The following HCN1 variants were observed in gnomAD, a reference collection of about 807,000 sequenced individuals.
The protein encoded by HCN1 is potassium/sodium hyperpolarization-activated cyclic nucleotide-gated channel 1.
HCN1 carries 13 observed loss-of-function variants against 78.9 expected under a neutral mutation model. The observed-to-expected ratio is 0.16, with a 90% confidence interval of 0.11 to 0.26. The LOEUF (loss-of-function observed/expected upper bound fraction) is 0.26. HCN1 is among the 10% of genes least tolerant of loss of function. HCN1 has a pLI of 1.00. For missense variants in HCN1, 810 were observed against 1,154.3 expected, an observed-to-expected ratio of 0.70 and a Z score of 4.32; for synonymous variants, 552 against 455.5, an observed-to-expected ratio of 1.21 and a Z score of -2.70.
intron 2 of HCN1, among the ~76,000 whole-genome samples, chr5:45,543,963 G>T (rs950908585): frequency 3.9e-5 from 6 of 152,062 alleles, no homozygotes; most frequent in African/African-American, 1.4e-4. Flanking sequence ...GTTGTAAAGA[G>T]ATTAAGAGAA....
At chr5:45,437,036 A>T (rs988490403) in intron 3 of HCN1, among the ~76,000 whole-genome samples, 1 of 152,156 alleles carries the variant, frequency 6.6e-6, no homozygotes, top group African/African-American at 2.4e-5. Context: ...CTATAAACCC[A>T]TGTGTATATG....
intron 2 of HCN1, chr5:45,480,086 T>C (rs1741614840): frequency 6.6e-6 from 1 of 152,630 alleles, no homozygotes; most frequent in African/African-American, 2.4e-5. Context: ...AACGTACTCC[T>C]TGCTTATGAC....
At chr5:45,493,363 G>A (rs536688397) in intron 2 of HCN1, among the ~76,000 whole-genome samples, 358 of 151,554 alleles carry the variant, frequency 2.4e-3, no homozygotes, top group African/African-American at 8.2e-3. Context: ...AAAATAAATC[G>A]AGTTAAATAT....
chr5:45,440,713 A>G lies in HCN1; in HGVS notation c.1011+21133T>C, dbSNP rs147601890. Among the ~76,000 whole-genome samples, 46 of 152,272 alleles carry G rather than the reference A, an allele frequency of 3.0e-4. 1 individual carries two copies. In the East Asian group the frequency reaches 6.8e-3, roughly 22 times the overall value. ...TGCCCAAACCACTTACTTGTTGTGT[A>G]CTGACTTAAACATTTGCTCACAGGC... On this transcript the variant is annotated intron_variant, in intron 3 of 7. Coordinates refer to ENST00000303230, the MANE Select transcript of HCN1 (RefSeq NM_021072.4).
intron 2 of HCN1, among the ~76,000 whole-genome samples, chr5:45,546,503 T>C (rs895564787): frequency 6.6e-6 from 1 of 151,928 alleles, no homozygotes; most frequent in African/African-American, 2.4e-5. Context: ...TCCTAAAACT[T>C]ATCTGTCTTT....
intron 2 of HCN1, among the ~76,000 whole-genome samples, chr5:45,593,338 TCTCACA>T (rs1190942837): frequency 2.4e-4 from 29 of 120,178 alleles, no homozygotes; most frequent in Admixed American, 1.0e-3. Flanking sequence ...TCTCTCTCTC[TCTCACA>T]CACACACACA....
chr5:45,585,735 C>T (rs1312373763), intron 2 of HCN1, among the ~76,000 whole-genome samples: 1 of 152,088 alleles, frequency 6.6e-6, no homozygotes, highest in Admixed American at 6.6e-5. Flanking sequence ...GTTAGTTTTC[C>T]TTCTAACAGT....
At chr5:45,612,422 A>C (rs1561219897) in intron 2 of HCN1, among the ~76,000 whole-genome samples, 1 of 152,184 alleles carries the variant, frequency 6.6e-6, no homozygotes, top group Non-Finnish European at 1.5e-5. Flanking sequence ...GCCTAGCATA[A>C]AGGAAAGCAC....
At chr5:45,569,588 TTAA>T (rs1272944714) in intron 2 of HCN1, among the ~76,000 whole-genome samples, 3 of 152,090 alleles carry the variant, frequency 2.0e-5, no homozygotes, top group Non-Finnish European at 4.4e-5. Context: ...GTTTTGGTTA[TTAA>T]TATTACAAAA....
intron 1 of HCN1, among the ~76,000 whole-genome samples, chr5:45,667,455 C>T (rs1662530522): frequency 6.6e-6 from 1 of 151,972 alleles, no homozygotes; most frequent in African/African-American, 2.4e-5. Flanking sequence ...CCCCATCACA[C>T]TGAAAACTAT....
In HCN1 at chr5:45,256,028, A is replaced by G. The variant is rs774366496; in HGVS notation, c.*5893T>C. 2.0e-5 allele frequency: 3 copies of G among 152,142 alleles called. No individual in the cohort carries two copies. Among genetic ancestry groups the G allele is most frequent in the Non-Finnish European group, 4.4e-5 (3 of 68,026 alleles). The allele number at this position is 152,142 out of a possible 1,614,324, so 9.4% of individuals were successfully genotyped here. ...TATTCAGATTTCTTCAATTGAATGA[A>G]TCAATAGTATTCTCTGCTCATATGG... is the stretch of plus-strand genomic sequence containing the variant. On this transcript the variant is annotated 3_prime_UTR_variant, in exon 8 of 8. Coordinates refer to ENST00000303230, the MANE Select transcript of HCN1 (RefSeq NM_021072.4).
intron 6 of HCN1, among the ~76,000 whole-genome samples, chr5:45,281,813 T>C (rs1444519271): frequency 1.3e-5 from 2 of 151,716 alleles, no homozygotes; most frequent in East Asian, 3.9e-4. Context: ...AGGATGGTCT[T>C]GATCTCCTGA....
At chr5:45,673,812 A>G (rs1203467985) in intron 1 of HCN1, among the ~76,000 whole-genome samples, 1 of 151,650 alleles carries the variant, frequency 6.6e-6, no homozygotes, top group African/African-American at 2.4e-5. Flanking sequence ...CTACCAAAAG[A>G]AAGGCACAGC....
At chr5:45,350,153 G>A (rs1161679632) in intron 5 of HCN1, among the ~76,000 whole-genome samples, 1 of 152,106 alleles carries the variant, frequency 6.6e-6, no homozygotes, top group Admixed American at 6.5e-5. Flanking sequence ...GAATCCAGCA[G>A]CACATCTAAA....
rs983912187 is a variant in HCN1 at position 45,359,364 on chromosome 5, A to AAACAAAT, written c.1231-6119_1231-6118insATTTGTT. ...TCCCCATGTCTCAAATCTATAAAAC[A>AAACAAAT]CTGCCTATAAGAAGTTAACTTTTTA... On this transcript the variant is annotated intron_variant, in intron 4 of 7. Coordinates refer to ENST00000303230, the MANE Select transcript of HCN1 (RefSeq NM_021072.4). Among the ~76,000 whole-genome samples the AAACAAAT allele has an allele frequency of 1.5e-4, 23 of 150,938 alleles. 1 individual carries two copies. The East Asian group carries it at 4.3e-3, about 28-fold the overall frequency.
intron 2 of HCN1, among the ~76,000 whole-genome samples, chr5:45,466,762 G>A (rs1364186957): frequency 6.6e-6 from 1 of 152,100 alleles, no homozygotes; most frequent in African/African-American, 2.4e-5. Context: ...TGCCCTGAAA[G>A]TCATTCAGGT....
At chr5:45,431,960 A>G (rs1037783956) in intron 3 of HCN1, among the ~76,000 whole-genome samples, 5 of 152,200 alleles carry the variant, frequency 3.3e-5, no homozygotes, top group Admixed American at 3.3e-4. Context: ...GCTTTTTTCT[A>G]ATTCTATGAG....
intron 3 of HCN1, among the ~76,000 whole-genome samples, chr5:45,432,717 C>A (rs1326824912): frequency 6.6e-6 from 1 of 151,988 alleles, no homozygotes; most frequent in African/African-American, 2.4e-5. Context: ...TTATCAAAAG[C>A]CTTTTCTGCA....
At chr5:45,624,753 A>T (rs569948660) in intron 2 of HCN1, among the ~76,000 whole-genome samples, 1 of 152,178 alleles carries the variant, frequency 6.6e-6, no homozygotes, top group South Asian at 2.1e-4. Context: ...TTTGGGAATG[A>T]GAAACATCTA....
Sources: gnomAD v4.1 joint callset for allele counts (sites outside exome capture counted in the v4.1 genomes callset) on GRCh38, gnomAD v4.1.1 for gene constraint, MANE v1.5 for transcripts, NCBI Gene and HGNC (gene_info 2026-07-23, HGNC 2026-07-21) for gene names.